The following UBE4A variants were observed in gnomAD, a reference collection of about 807,000 sequenced individuals.
UBE4A encodes ubiquitination factor E4A, also known as ubiquitin conjugation factor E4 A.
In UBE4A, 48 loss-of-function variants were observed where a neutral mutation model predicts 117.9. The observed-to-expected ratio is 0.41, with a 90% CI of 0.32 to 0.52. The LOEUF (loss-of-function observed/expected upper bound fraction) is 0.52. UBE4A is among the 20% of genes least tolerant of loss of function. The pLI is 0.33. For synonymous variants in UBE4A, 407 were observed against 450.0 expected (o/e 0.90, Z 1.21); for missense variants, 1,067 against 1,296.3 (o/e 0.82, Z 2.72).
chr11:118,396,030 A>ACG (rs2134117961), intron 19 of UBE4A, among the ~76,000 whole-genome samples: 1 of 151,696 alleles, frequency 6.6e-6, no homozygotes, highest in East Asian at 1.9e-4. Context: ...AGCAGAGATA[A>ACG]CGCCACTGCA....
intron 18 of UBE4A, among the ~76,000 whole-genome samples, 173 bp from the exon 19 acceptor site, chr11:118,392,565 G>A (rs1948829318): frequency 6.6e-6 from 1 of 152,220 alleles, no homozygotes; most frequent in African/African-American, 2.4e-5. Flanking sequence ...TTTGTTCTTA[G>A]AATATCTTGG....
rs568912382 is a variant in UBE4A at position 118,390,766 on chromosome 11, A to G, written c.2878A>G (p.Met960Val). 3 of 1,610,014 alleles carry G rather than the reference A, an allele frequency of 1.9e-6. No homozygotes were observed. Among genetic ancestry groups the G allele is most frequent in the Middle Eastern group, 3.3e-4 (2 of 6,046 alleles). ...VLKKINKPGN[M>V]IMAFSNLAER... ...GAAGAAAATAAATAAGCCTGGGAAT[A>G]TGATTATGGCTTTCAGCAACTTGGC... is the stretch of plus-strand genomic sequence containing the variant. The change falls in exon 18 of 20, where the codon ATG becomes GTG. Residue 960 changes from methionine to valine, a missense_variant. Met to Val is a conservative substitution (Grantham distance 21). Around this residue, in one of 3 missense-constraint regions of UBE4A, gnomAD observed 1,001 missense variants for 1,184.0 expected, o/e 0.85. Transcript: ENST00000252108.
chr11:118,373,655 G>T lies in UBE4A; in HGVS notation c.1086G>T (p.Glu362Asp). Residue 362 changes from glutamate to aspartate, a missense_variant, in exon 8 of 20, where the codon GAG becomes GAT. Coordinates refer to ENST00000252108, the MANE Select transcript of UBE4A (RefSeq NM_001204077.2). Reference protein sequence around the residue: ...FLNPSRSSPQEIKVQEANIHQ... With the variant: ...FLNPSRSSPQDIKVQEANIHQ... The stretch of plus-strand genomic sequence containing the variant: ...ATCCATCTCGTTCCAGCCCCCAGGA[G>T]ATCAAAGTACAGGAGGCCAACATCC... 1.9e-6 allele frequency: 3 copies of T among 1,614,114 alleles called. No individual in the cohort carries two copies. The highest frequency in any genetic ancestry group is 1.1e-5 in the South Asian group (1 of 91,070).
Position 118,382,628 on chromosome 11 carries a change from G to A in UBE4A, c.2049G>A (p.Val683=), listed in dbSNP as rs1277223067. 3 of 1,588,810 alleles carry A rather than the reference G, an allele frequency of 1.9e-6. No homozygotes were observed. The highest frequency in any genetic ancestry group is 1.7e-6 in the Non-Finnish European group (2 of 1,164,150). ...ACCTGAGGGCCAAACTAGCAGAGGTGTTGGAAGCAGTGATGCCCCACCTGG... is the reference window on the plus strand; with the variant it reads ...ACCTGAGGGCCAAACTAGCAGAGGTATTGGAAGCAGTGATGCCCCACCTGG... ...NPHLRAKLAE[V]LEAVMPHLDQ... is the part of the protein sequence containing the mutation. Residue 683 remains valine, a synonymous_variant, in exon 13 of 20, where the codon GTG becomes GTA. Coordinates refer to ENST00000252108, the MANE Select transcript of UBE4A (RefSeq NM_001204077.2).
At chr11:118,394,131 C>CT (rs1365148130) in intron 19 of UBE4A, among the ~76,000 whole-genome samples, 1 of 152,056 alleles carries the variant, frequency 6.6e-6, no homozygotes, top group African/African-American at 2.4e-5. Flanking sequence ...GAAATGAGTA[C>CT]TGAGAGACTC....
intron 18 of UBE4A, among the ~76,000 whole-genome samples, chr11:118,391,279 A>G (rs1948813910): frequency 6.6e-6 from 1 of 152,124 alleles, no homozygotes; most frequent in Non-Finnish European, 1.5e-5. Flanking sequence ...ACTTGAGGTC[A>G]GGAGTTCAAC....
In UBE4A at chr11:118,375,235, A is replaced by T. The variant is rs782103763; in HGVS notation, c.1450+6A>T. ...TAAAAATGTACACATGAGAGGTAGG[A>T]GAGAACCAGGCTTCTCAAAACTGTG... On this transcript the variant is annotated splice_donor_region_variant and intron_variant, in intron 9 of 19. Coordinates refer to ENST00000252108, the MANE Select transcript of UBE4A (RefSeq NM_001204077.2). The T allele has an allele frequency of 1.3e-6, 2 of 1,591,476 alleles. No individual in the cohort carries two copies. The highest frequency in any genetic ancestry group is 2.3e-5 in the South Asian group (2 of 88,558).
At chr11:118,377,127 A>G (rs1555125517) in intron 10 of UBE4A, among the ~76,000 whole-genome samples, 1 of 152,174 alleles carries the variant, frequency 6.6e-6, no homozygotes, top group East Asian at 1.9e-4. Context: ...AGAATCTAAT[A>G]GAAAAGGGGC....
At chr11:118,363,452 C>T (rs1373526763) in intron 1 of UBE4A, among the ~76,000 whole-genome samples, 1 of 152,082 alleles carries the variant, frequency 6.6e-6, no homozygotes, top group Non-Finnish European at 1.5e-5. Context: ...ACTAGACTGC[C>T]TAAGTCATTA....
chr11:118,373,065 C>G (rs767205614), intron 6 of UBE4A, 21 bp from the exon 7 acceptor site: 2 of 1,610,700 alleles, frequency 1.2e-6, no homozygotes, highest in South Asian at 2.2e-5. Flanking sequence ...CCTCCTTTCT[C>G]TCTCATTTGT....
At chr11:118,370,112 T>C (rs755259866) in intron 4 of UBE4A, among the ~76,000 whole-genome samples, 1 of 151,320 alleles carries the variant, frequency 6.6e-6, no homozygotes, top group Non-Finnish European at 1.5e-5. Context: ...AAGAAAAAAT[T>C]ACAAAGCCTT....
At chr11:118,386,756 A>G in intron 16 of UBE4A, 144 bp downstream of exon 16, 2 of 950,996 alleles carry the variant, frequency 2.1e-6, no homozygotes, top group East Asian at 3.0e-5. Flanking sequence ...TCACTTGAGA[A>G]GCTTCAAAAA....
intron 10 of UBE4A, among the ~76,000 whole-genome samples, 160 bp from the exon 11 acceptor site, chr11:118,379,286 G>GC (rs1179225228): frequency 6.6e-6 from 1 of 152,164 alleles, no homozygotes; most frequent in African/African-American, 2.4e-5. Context: ...TGTGCACCCT[G>GC]CCTGTGTCCT....
chr11:118,390,077 A>G (rs551264538), intron 17 of UBE4A, among the ~76,000 whole-genome samples, 172 bp downstream of exon 17: 1 of 152,198 alleles, frequency 6.6e-6, no homozygotes, highest in East Asian at 1.9e-4. Flanking sequence ...TATCTGGGCA[A>G]GGTGTCGTGT....
chr11:118,368,124 T>C (rs1233072164), intron 2 of UBE4A, among the ~76,000 whole-genome samples: 4 of 152,090 alleles, frequency 2.6e-5, no homozygotes, highest in Non-Finnish European at 5.9e-5. Flanking sequence ...ATCCCATTTT[T>C]TAAAAAAATT....
intron 5 of UBE4A, 148 bp downstream of exon 5, chr11:118,371,814 C>T: frequency 5.0e-6 from 4 of 795,132 alleles, no homozygotes; most frequent in Non-Finnish European, 7.4e-6. Flanking sequence ...GCTTTTATAT[C>T]AATTTATATA....
Position 118,390,741 on chromosome 11 carries a change from G to C in UBE4A, c.2853G>C (p.Leu951Phe). 1 of 1,608,106 alleles carries C rather than the reference G, an allele frequency of 6.2e-7. No individual in the cohort carries two copies. The highest frequency in any genetic ancestry group is 8.5e-7 in the Non-Finnish European group (1 of 1,177,324). ...PTLFAQTVRV[L>F]KKINKPGNMI... Reference sequence around the variant, plus strand: ...TCTTTGCACAGACAGTTCGAGTCTTGAAGAAAATAAATAAGCCTGGGAATA... The same window carrying C: ...TCTTTGCACAGACAGTTCGAGTCTTCAAGAAAATAAATAAGCCTGGGAATA... Residue 951 changes from leucine (L) to phenylalanine (F), a missense_variant, in exon 18 of 20, where the codon TTG (leucine) becomes TTC (phenylalanine). Coordinates refer to ENST00000252108, the MANE Select transcript of UBE4A (RefSeq NM_001204077.2).
At chr11:118,365,737 T>G (rs1042896577) in intron 2 of UBE4A, among the ~76,000 whole-genome samples, 1 of 152,248 alleles carries the variant, frequency 6.6e-6, no homozygotes, top group African/African-American at 2.4e-5. Flanking sequence ...TGGCATCATT[T>G]GTAGCTTAGT....
chr11:118,360,235 A>G (rs1250557635), intron 1 of UBE4A, among the ~76,000 whole-genome samples: 2 of 152,188 alleles, frequency 1.3e-5, no homozygotes, highest in Non-Finnish European at 2.9e-5. Context: ...TTGAGTGACC[A>G]TGCCTCATGA....
Sources: allele counts gnomAD v4.1 joint callset (sites outside exome capture counted in the v4.1 genomes callset), GRCh38; gene constraint gnomAD v4.1.1; regional missense constraint gnomAD v4.1.1; transcripts MANE v1.5; gene names NCBI Gene and HGNC (gene_info 2026-07-23, HGNC 2026-07-21).